Variants in SPAG16 observed in about 807,000 individuals in gnomAD.
The protein encoded by SPAG16 is sperm-associated antigen 16 protein.
In SPAG16, 86 loss-of-function variants were observed where a neutral mutation model predicts 80.4. That is an observed-to-expected ratio of 1.07 (90% CI 0.90 to 1.28). The LOEUF (loss-of-function observed/expected upper bound fraction) is 1.28. SPAG16 is among the 50% of genes most tolerant of loss of function. The pLI is 0.00. For synonymous variants in SPAG16, 294 were observed against 265.9 expected (o/e 1.11, Z -1.03); for missense variants, 870 against 765.3 (o/e 1.14, Z -1.61).
chr2:213,960,399 T>G (rs1161195461), intron 12 of SPAG16, among the ~76,000 whole-genome samples: 5 of 152,186 alleles, frequency 3.3e-5, no homozygotes, highest in African/African-American at 4.8e-5. Context: ...TTGTTTGTTT[T>G]TTTTTCTTTG....
chr2:213,956,655 C>T (rs1267496045), intron 12 of SPAG16, among the ~76,000 whole-genome samples: 1 of 151,850 alleles, frequency 6.6e-6, no homozygotes. Context: ...ACCATGTTGG[C>T]CATGCTGGTG....
At chr2:213,742,547 C>CTTTTTTTG (rs1559428496) in intron 10 of SPAG16, among the ~76,000 whole-genome samples, 1 of 24,810 alleles carries the variant, frequency 4.0e-5, no homozygotes, top group Non-Finnish European at 1.7e-4. Context: ...TTGCTTATTT[C>CTTTTTTTG]TTTTTTTTTT....
chr2:213,476,626 T>C (rs1001572530), intron 9 of SPAG16, among the ~76,000 whole-genome samples: 3 of 152,216 alleles, frequency 2.0e-5, no homozygotes, highest in Non-Finnish European at 4.4e-5. Context: ...TAATTGATCC[T>C]GGATGAACCC....
At chr2:213,812,747 A>T (rs186354975) in intron 10 of SPAG16, among the ~76,000 whole-genome samples, 9 of 151,682 alleles carry the variant, frequency 5.9e-5, no homozygotes, top group Non-Finnish European at 1.0e-4. Flanking sequence ...AATATTTAGC[A>T]TTTTTTGTTT....
At chr2:213,334,966 A>G (rs1211182297) in intron 5 of SPAG16, among the ~76,000 whole-genome samples, 1 of 152,204 alleles carries the variant, frequency 6.6e-6, no homozygotes, top group Non-Finnish European at 1.5e-5. Flanking sequence ...ATTTTTTGTA[A>G]CAGGATAAAT....
At chr2:214,409,117 T>C (rs1000473749) in intron 15 of SPAG16, among the ~76,000 whole-genome samples, 17 of 151,824 alleles carry the variant, frequency 1.1e-4, no homozygotes, top group Admixed American at 1.1e-3. Context: ...TATCATTAGA[T>C]TACTGTAACG....
intron 15 of SPAG16, among the ~76,000 whole-genome samples, chr2:214,203,396 A>T (rs967040427): frequency 3.9e-5 from 6 of 152,164 alleles, no homozygotes; most frequent in African/African-American, 1.2e-4. Flanking sequence ...GGCTCCAAGA[A>T]CTACCACAGG....
At chr2:213,422,838 G>C (rs1048439999) in intron 9 of SPAG16, among the ~76,000 whole-genome samples, 12 of 152,182 alleles carry the variant, frequency 7.9e-5, no homozygotes, top group African/African-American at 2.7e-4. Context: ...CTGAGAACTA[G>C]CATTTGACAT....
At position 214,016,933 on chromosome 2, in the gene SPAG16, G is replaced by T. The variant is rs183780124; in HGVS notation, c.1527+2856G>T. Among the ~76,000 whole-genome samples the T allele has an allele frequency of 1.4e-3, 219 of 152,220 alleles. 1 individual carries two copies. Among genetic ancestry groups the T allele is most frequent in the Non-Finnish European group, 2.2e-4 (15 of 68,012 alleles). ...CAAAACATGATTGATATAAATAAAG[G>T]AATATGGTAATGGACATGCAGATGG... On this transcript the variant is annotated intron_variant, in intron 13 of 15. Transcript: ENST00000331683.
At chr2:213,844,391 C>G (rs2074509583) in intron 10 of SPAG16, among the ~76,000 whole-genome samples, 1 of 152,144 alleles carries the variant, frequency 6.6e-6, no homozygotes, top group Non-Finnish European at 1.5e-5. Context: ...GGAAGAAAAA[C>G]AGTGATTTCG....
At chr2:213,942,931 T>C (rs1218606560) in intron 12 of SPAG16, among the ~76,000 whole-genome samples, 1 of 152,142 alleles carries the variant, frequency 6.6e-6, no homozygotes, top group Admixed American at 6.6e-5. Context: ...GTCATGAAGG[T>C]AGAGCCCTCG....
chr2:214,301,028 TATAATA>T (rs71037363), intron 15 of SPAG16, among the ~76,000 whole-genome samples: 21,757 of 141,682 alleles, frequency 0.15, 1,740 homozygotes, highest in East Asian at 0.29. Context: ...AAACTTAAAG[TATAATA>T]ATAATAATAA....
intron 10 of SPAG16, among the ~76,000 whole-genome samples, chr2:213,647,427 G>T (rs891253105): frequency 3.0e-4 from 45 of 152,088 alleles, no homozygotes; most frequent in African/African-American, 1.0e-3. Context: ...GCTTCATTAG[G>T]AGCATGCTAT....
chr2:213,947,262 A>T (rs1411868803), intron 12 of SPAG16, among the ~76,000 whole-genome samples: 7 of 152,168 alleles, frequency 4.6e-5, no homozygotes, highest in South Asian at 2.1e-4. Flanking sequence ...ACATTATTTT[A>T]AAAAGTGCAA....
chr2:213,645,880 G>A (rs977301273), intron 10 of SPAG16, among the ~76,000 whole-genome samples: 3 of 152,220 alleles, frequency 2.0e-5, no homozygotes, highest in African/African-American at 7.2e-5. Flanking sequence ...CTGGAGACAA[G>A]AGCGCTGTAG....
At chr2:213,666,422 G>T (rs1338692450) in intron 10 of SPAG16, among the ~76,000 whole-genome samples, 1 of 152,240 alleles carries the variant, frequency 6.6e-6, no homozygotes, top group African/African-American at 2.4e-5. Flanking sequence ...CGAAAGAAAA[G>T]ATTCAGTGAT....
At chr2:214,111,839 A>G (rs140056649) in intron 14 of SPAG16, among the ~76,000 whole-genome samples, 1 of 152,110 alleles carries the variant, frequency 6.6e-6, no homozygotes, top group African/African-American at 2.4e-5. Flanking sequence ...GAGGTCCTTC[A>G]TATCCCTTGT....
At chr2:213,326,707 A>G (rs2126168087) in intron 5 of SPAG16, among the ~76,000 whole-genome samples, 1 of 152,140 alleles carries the variant, frequency 6.6e-6, no homozygotes, top group African/African-American at 2.4e-5. Flanking sequence ...AGAAAAATAT[A>G]TGACAAAGAT....
rs184859332 is a variant in SPAG16, at chr2:213,415,940, G to A, written c.942+40821G>A. Among the ~76,000 whole-genome samples the A allele has an allele frequency of 7.9e-5, 12 of 152,316 alleles. No individual in the cohort carries two copies. In the East Asian group the frequency reaches 2.3e-3, roughly 29 times the overall value. On this transcript the variant is annotated intron_variant, in intron 9 of 15. Coordinates refer to ENST00000331683, the MANE Select transcript of SPAG16 (RefSeq NM_024532.5). Reference sequence around the variant, plus strand: ...TCTTTGTGAAGATGTTGAGGATGTAGAGGAGTTGGTTAATCATAAAATAAG... The same window carrying A: ...TCTTTGTGAAGATGTTGAGGATGTAAAGGAGTTGGTTAATCATAAAATAAG...
Sources: allele counts gnomAD v4.1 joint callset (sites outside exome capture counted in the v4.1 genomes callset), GRCh38; gene constraint gnomAD v4.1.1; transcripts MANE v1.5; gene names NCBI Gene and HGNC (gene_info 2026-07-23, HGNC 2026-07-21).